The following PLA2G4A variants were observed in gnomAD, a reference collection of about 807,000 sequenced individuals.
PLA2G4A encodes the protein cytosolic phospholipase A2.
PLA2G4A carries 40 observed loss-of-function variants against 81.9 expected under a neutral mutation model. The ratio of observed to expected loss-of-function variants is 0.49; its 90% CI spans 0.38 to 0.64. The LOEUF is 0.64. PLA2G4A is among the 30% of genes least tolerant of loss of function. The probability of loss-of-function intolerance (pLI) is 0.00; values close to 1 mark genes in which losing one functional copy is unlikely to be tolerated. For missense variants in PLA2G4A, 715 were observed against 905.1 expected, an observed-to-expected ratio of 0.79 and a Z score of 2.69; for synonymous variants, 302 against 296.9, an observed-to-expected ratio of 1.02 and a Z score of -0.18.
intron 1 of PLA2G4A, among the ~76,000 whole-genome samples, chr1:186,846,804 A>G (rs1382505344): frequency 1.3e-5 from 2 of 151,670 alleles, no homozygotes; most frequent in African/African-American, 2.4e-5. Flanking sequence ...GTCGTGGCCC[A>G]TTTTAATTCC....
chr1:186,945,923 A>G (rs1188299798), intron 10 of PLA2G4A, among the ~76,000 whole-genome samples: 2 of 152,108 alleles, frequency 1.3e-5, no homozygotes, highest in Admixed American at 6.6e-5. Flanking sequence ...GGATCTTCAA[A>G]ACAATCCTAC....
chr1:186,841,024 G>A (rs552041423), intron 1 of PLA2G4A, among the ~76,000 whole-genome samples: 2 of 152,300 alleles, frequency 1.3e-5, no homozygotes, highest in South Asian at 4.1e-4. Context: ...CCTGTTAACA[G>A]TAAGTACATC....
intron 17 of PLA2G4A, among the ~76,000 whole-genome samples, chr1:186,982,863 G>T (rs1437917055): frequency 6.6e-6 from 1 of 152,136 alleles, no homozygotes; most frequent in African/African-American, 2.4e-5. Flanking sequence ...CAGATCACCA[G>T]GTCAGGAGAT....
intron 14 of PLA2G4A, among the ~76,000 whole-genome samples, chr1:186,965,018 CTGTTA>C (rs1387144404): frequency 2.0e-5 from 3 of 152,194 alleles, no homozygotes; most frequent in Non-Finnish European, 4.4e-5. Flanking sequence ...CCTCACCTGT[CTGTTA>C]TAAGAATTAA....
At chr1:186,846,213 C>T (rs1010943654) in intron 1 of PLA2G4A, among the ~76,000 whole-genome samples, 4 of 152,102 alleles carry the variant, frequency 2.6e-5, no homozygotes, top group African/African-American at 7.2e-5. Flanking sequence ...CTACTATTAA[C>T]AGTTACAGAG....
At chr1:186,935,585 T>C (rs1270044718) in intron 8 of PLA2G4A, among the ~76,000 whole-genome samples, 1 of 151,676 alleles carries the variant, frequency 6.6e-6, no homozygotes, top group African/African-American at 2.4e-5. Context: ...GGACACAAGA[T>C]TGAAAGCACA....
At chr1:186,873,640 A>G (rs943935447) in intron 3 of PLA2G4A, among the ~76,000 whole-genome samples, 1 of 152,076 alleles carries the variant, frequency 6.6e-6, no homozygotes, top group Non-Finnish European at 1.5e-5. Context: ...CTAAGGTTAT[A>G]TCTATTTTTT....
At chr1:186,832,279 C>A (rs926694398) in intron 1 of PLA2G4A, among the ~76,000 whole-genome samples, 1 of 151,712 alleles carries the variant, frequency 6.6e-6, no homozygotes, top group African/African-American at 2.4e-5. Flanking sequence ...ATGGTAGATT[C>A]TTAAAGTTTA....
intron 5 of PLA2G4A, among the ~76,000 whole-genome samples, chr1:186,906,754 A>C (rs1654751823): frequency 6.6e-6 from 1 of 152,236 alleles, no homozygotes. Context: ...ATGACGTACT[A>C]AGTAGACTTA....
At chr1:186,915,081 G>A (rs1004797899) in intron 7 of PLA2G4A, among the ~76,000 whole-genome samples, 1 of 152,124 alleles carries the variant, frequency 6.6e-6, no homozygotes. Flanking sequence ...AATCCTCCTA[G>A]TGCTGGGAAC....
intron 15 of PLA2G4A, among the ~76,000 whole-genome samples, chr1:186,975,523 C>T (rs1242741660): frequency 2.0e-5 from 3 of 152,158 alleles, no homozygotes; most frequent in Admixed American, 2.0e-4. Flanking sequence ...GGTCTTTATA[C>T]ATTTTATCAT....
chr1:186,911,291 G>A lies in PLA2G4A; in HGVS notation c.460G>A (p.Glu154Lys), dbSNP rs375216485. 6.2e-7 allele frequency: 1 copy of A among 1,611,152 alleles called. No homozygotes were observed. Among genetic ancestry groups the A allele is most frequent in the South Asian group, 1.1e-5 (1 of 91,020 alleles). Reference protein sequence around the residue: ...LRFSMALCDQEKTFRQQRKEH... With the variant: ...LRFSMALCDQKKTFRQQRKEH... ...ATTTAGTATGGCTCTGTGTGATCAG[G>A]AGAAGACTTTCAGACAACAGAGAAA... The change falls in exon 7 of 18, where the codon GAG (glutamate) becomes AAG (lysine). Residue 154 changes from glutamate to lysine, a missense_variant. Coordinates refer to ENST00000367466, the MANE Select transcript of PLA2G4A (RefSeq NM_024420.3).
chr1:186,941,851 T>C (rs1281133900), intron 10 of PLA2G4A, among the ~76,000 whole-genome samples: 1 of 152,230 alleles, frequency 6.6e-6, no homozygotes, highest in African/African-American at 2.4e-5. Context: ...ACTGTCATTT[T>C]GACCAAGTTA....
intron 3 of PLA2G4A, among the ~76,000 whole-genome samples, chr1:186,889,837 C>T (rs1654072495): frequency 6.6e-6 from 1 of 152,050 alleles, no homozygotes; most frequent in Non-Finnish European, 1.5e-5. Flanking sequence ...CTTTCTCTTC[C>T]TCTAATTCCA....
Position 186,979,349 on chromosome 1 carries a change from C to T in PLA2G4A, c.1995C>T (p.Ile665=), listed in dbSNP as rs149831494. The T allele has an allele frequency of 1.6e-4, 250 of 1,611,700 alleles. 1 individual carries two copies. The African/African-American group carries it at 2.9e-3, about 19-fold the overall frequency. ...VPRETEEEKE[I]ADFDIFDDPE... ...GGGAAACTGAGGAAGAGAAAGAAAT[C>T]GCTGACTTTGATATTTTTGATGACC... Residue 665 remains isoleucine (I), a synonymous_variant, in exon 17 of 18, where the codon ATC becomes ATT. Coordinates refer to ENST00000367466, the MANE Select transcript of PLA2G4A (RefSeq NM_024420.3).
intron 15 of PLA2G4A, among the ~76,000 whole-genome samples, chr1:186,972,943 A>C (rs1339389414): frequency 1.3e-5 from 2 of 152,184 alleles, no homozygotes; most frequent in Non-Finnish European, 2.9e-5. Context: ...CTGTTTTAGA[A>C]TCTCCACATA....
rs1173317695 is a variant in PLA2G4A at position 186,946,724 on chromosome 1, T to A, written c.1121T>A (p.Met374Lys). Residue 374 changes from methionine (M) to lysine (K), a missense_variant, in exon 11 of 18, where the codon ATG becomes AAG. Physicochemically the swap from Met to Lys is moderately conservative, Grantham distance 95. Transcript: ENST00000367466. ...GACTTATTTGGAAGCAAATTTTTTA[T>A]GGGAACAGTCGTTAAGAAGTATGAA... ...APDLFGSKFF[M>K]GTVVKKYEEN... The A allele has an allele frequency of 6.2e-7, 1 of 1,612,364 alleles. No individual in the cohort carries two copies. Among genetic ancestry groups the A allele is most frequent in the Non-Finnish European group, 8.5e-7 (1 of 1,178,756 alleles).
chr1:186,860,120 G>A (rs191807306), intron 2 of PLA2G4A, among the ~76,000 whole-genome samples: 1 of 152,112 alleles, frequency 6.6e-6, no homozygotes, highest in East Asian at 1.9e-4. Context: ...GTGTATTAGG[G>A]TTCTCTAGAG....
chr1:186,985,194 TCTG>T (rs1174827260), intron 17 of PLA2G4A, among the ~76,000 whole-genome samples: 1 of 152,218 alleles, frequency 6.6e-6, no homozygotes, highest in Non-Finnish European at 1.5e-5. Flanking sequence ...TGCCCAGTCT[TCTG>T]CTCCACTTAA....
Sources: allele counts gnomAD v4.1 joint callset (sites outside exome capture counted in the v4.1 genomes callset), GRCh38; gene constraint gnomAD v4.1.1; transcripts MANE v1.5; gene names NCBI Gene and HGNC (gene_info 2026-07-23, HGNC 2026-07-21).